GAB2: variants seen among roughly 807,000 people sequenced by gnomAD.
GAB2 encodes the protein GRB2 associated binding protein 2, also known as GRB2-associated-binding protein 2.
Under a neutral mutation model 65.5 loss-of-function variants are expected in GAB2, and 26 were observed. The ratio of observed to expected loss-of-function variants is 0.40; its 90% CI spans 0.29 to 0.55. The LOEUF (loss-of-function observed/expected upper bound fraction) is 0.55. Ranked by LOEUF, GAB2 falls within the 20% of genes least tolerant of loss-of-function variation. GAB2 has a pLI of 0.53. For missense variants in GAB2, 884 were observed against 875.8 expected, an observed-to-expected ratio of 1.01 and a Z score of -0.12; for synonymous variants, 321 against 329.6, an observed-to-expected ratio of 0.97 and a Z score of 0.28.
intron 1 of GAB2, among the ~76,000 whole-genome samples, chr11:78,338,403 G>A (rs985926130): frequency 4.6e-5 from 7 of 152,150 alleles, no homozygotes; most frequent in African/African-American, 1.2e-4. Flanking sequence ...CACACTAGAT[G>A]GCTGGCTGGG....
chr11:78,229,443 C>T (rs1864774599), intron 3 of GAB2, among the ~76,000 whole-genome samples: 1 of 152,194 alleles, frequency 6.6e-6, no homozygotes, highest in Non-Finnish European at 1.5e-5. Flanking sequence ...AAGAGCATCA[C>T]AGGCACCCTG....
At chr11:78,244,134 T>C (rs1030173446) in intron 3 of GAB2, among the ~76,000 whole-genome samples, 2 of 152,076 alleles carry the variant, frequency 1.3e-5, no homozygotes, top group Non-Finnish European at 2.9e-5. Context: ...CCCAGCACTT[T>C]AGGAGGCCAA....
intron 1 of GAB2, among the ~76,000 whole-genome samples, chr11:78,300,891 C>T (rs1277249918): frequency 5.9e-5 from 9 of 151,976 alleles, no homozygotes; most frequent in Non-Finnish European, 1.2e-4. Context: ...AATGGAGTTT[C>T]ACCATGTTGC....
intron 1 of GAB2, among the ~76,000 whole-genome samples, chr11:78,349,579 C>T (rs540464530): frequency 4.6e-5 from 7 of 152,302 alleles, no homozygotes; most frequent in Admixed American, 2.6e-4. Context: ...TTAGGGCATC[C>T]TCAGAAAGGA....
chr11:78,413,498 T>G lies in GAB2; in HGVS notation c.75+4148A>C, dbSNP rs371498350. On this transcript the variant is annotated intron_variant, in intron 1 of 9. Coordinates refer to ENST00000361507, the MANE Select transcript of GAB2 (RefSeq NM_080491.3). Reference sequence around the variant, plus strand: ...AGGAGTAAAAAATCATCCTCTGAGTTTAGTGACCTGGGTATCGCTGGTGCC... The same window carrying G: ...AGGAGTAAAAAATCATCCTCTGAGTGTAGTGACCTGGGTATCGCTGGTGCC... Among the ~76,000 whole-genome samples, 60 of 152,268 alleles carry G rather than the reference T, an allele frequency of 3.9e-4. 1 individual carries two copies. In the Middle Eastern group the frequency reaches 0.014, roughly 35 times the overall value.
chr11:78,322,797 T>TAAAAAAAAAAA (rs34497179), intron 1 of GAB2, among the ~76,000 whole-genome samples: 2 of 117,832 alleles, frequency 1.7e-5, no homozygotes, highest in African/African-American at 3.1e-5. Context: ...TACTGAAAAG[T>TAAAAAAAAAAA]AAAAAAAAAA....
intron 1 of GAB2, among the ~76,000 whole-genome samples, chr11:78,339,056 G>C (rs979269265): frequency 2.6e-4 from 39 of 151,934 alleles, no homozygotes; most frequent in African/African-American, 9.4e-4. Flanking sequence ...CCGAGTAACT[G>C]GGATTATAGG....
intron 2 of GAB2, among the ~76,000 whole-genome samples, chr11:78,252,066 A>G (rs1304002374): frequency 6.6e-6 from 1 of 152,226 alleles, no homozygotes; most frequent in Non-Finnish European, 1.5e-5. Flanking sequence ...TTGATTTTCT[A>G]AGGTTATTCA....
At chr11:78,227,564 G>C (rs989914161) in intron 3 of GAB2, among the ~76,000 whole-genome samples, 1 of 148,844 alleles carries the variant, frequency 6.7e-6, no homozygotes, top group Non-Finnish European at 1.5e-5. Flanking sequence ...GGAGGCTGAG[G>C]TGGGAGGTTC....
At chr11:78,338,806 T>C (rs115124313) in intron 1 of GAB2, among the ~76,000 whole-genome samples, 270 of 152,350 alleles carry the variant, frequency 1.8e-3, no homozygotes, top group African/African-American at 6.3e-3. Flanking sequence ...GGGAACACCT[T>C]AATAATATGC....
intron 1 of GAB2, among the ~76,000 whole-genome samples, chr11:78,378,499 C>G (rs1856660295): frequency 6.6e-6 from 1 of 152,130 alleles, no homozygotes; most frequent in South Asian, 2.1e-4. Context: ...CTGCAAGGTG[C>G]TTTACAGTCA....
chr11:78,294,314 G>A (rs994653427), intron 1 of GAB2, among the ~76,000 whole-genome samples: 1 of 152,042 alleles, frequency 6.6e-6, no homozygotes, highest in Non-Finnish European at 1.5e-5. Context: ...CCAGTCTATC[G>A]TTGTTGGACA....
Position 78,417,681 on chromosome 11 carries a change from T to A in GAB2, c.40A>T (p.Arg14Trp). 2 of 1,390,396 alleles carry A rather than the reference T, an allele frequency of 1.4e-6. 1 individual carries two copies. 86.1% of individuals were successfully genotyped at this position (1,390,396 alleles called of 1,614,324 possible). The change falls in exon 1 of 10, where the codon AGG (arginine) becomes TGG (tryptophan). Residue 14 changes from arginine (R) to tryptophan (W), a missense_variant. Physicochemically the swap from Arg to Trp is moderately radical, Grantham distance 101. Coordinates refer to ENST00000361507, the MANE Select transcript of GAB2 (RefSeq NM_080491.3). ...GGDVVCTGWL[R>W]KSPPEKKLRR... ...AACTTCTTCTCGGGAGGCGATTTCCTCAGCCAGCCGGTGCACACCACGTCG... is the reference window on the plus strand; with the variant it reads ...AACTTCTTCTCGGGAGGCGATTTCCACAGCCAGCCGGTGCACACCACGTCG...
chr11:78,390,093 C>T (rs762631870), intron 1 of GAB2, among the ~76,000 whole-genome samples: 11 of 152,188 alleles, frequency 7.2e-5, no homozygotes, highest in Non-Finnish European at 1.3e-4. Context: ...GAAAATAGTA[C>T]TCACTGGCTC....
chr11:78,334,276 T>C (rs1214583540), intron 1 of GAB2, among the ~76,000 whole-genome samples: 1 of 152,214 alleles, frequency 6.6e-6, no homozygotes, highest in Non-Finnish European at 1.5e-5. Context: ...CTTTCAGTTA[T>C]TTCAAAATGT....
chr11:78,240,651 C>G (rs58945580), intron 3 of GAB2, among the ~76,000 whole-genome samples: 2,471 of 152,204 alleles, frequency 0.016, 71 homozygotes, highest in African/African-American at 0.056. Flanking sequence ...TGTATCAATC[C>G]CTGGGACCCA....
chr11:78,223,724 A>C, intron 5 of GAB2, 48 bp from the exon 6 acceptor site: 2 of 1,478,444 alleles, frequency 1.4e-6, no homozygotes, highest in Non-Finnish European at 1.8e-6. Context: ...TAGCAAGAAG[A>C]AACAGGAAGG....
intron 2 of GAB2, among the ~76,000 whole-genome samples, chr11:78,273,066 G>A (rs921055344): frequency 6.6e-6 from 1 of 152,256 alleles, no homozygotes; most frequent in South Asian, 2.1e-4. Flanking sequence ...AAGTATGGAT[G>A]CCCAGGCAGA....
chr11:78,269,636 C>T (rs538608943), intron 2 of GAB2, among the ~76,000 whole-genome samples: 1 of 152,278 alleles, frequency 6.6e-6, no homozygotes, highest in Admixed American at 6.5e-5. Context: ...CTATGGGTAT[C>T]GTTTGACCCC....
Sources: allele counts gnomAD v4.1 joint callset (sites outside exome capture counted in the v4.1 genomes callset), GRCh38; gene constraint gnomAD v4.1.1; transcripts MANE v1.5; gene names NCBI Gene and HGNC (gene_info 2026-07-23, HGNC 2026-07-21).